RBM26: variants seen among roughly 807,000 people sequenced by gnomAD.
The protein encoded by RBM26 is RNA-binding protein 26.
A neutral mutation model predicts 123.6 loss-of-function variants in RBM26; 30 were observed. That is an observed-to-expected ratio of 0.24 (90% CI 0.18 to 0.33). RBM26 has a LOEUF of 0.33. Ranked by LOEUF, RBM26 falls within the 10% of genes least tolerant of loss-of-function variation. The pLI, the probability that RBM26 is intolerant of heterozygous loss-of-function variation, is 1.00. For synonymous variants in RBM26, 400 were observed against 404.4 expected, an observed-to-expected ratio of 0.99 and a Z score of 0.13; for missense variants, 947 against 1,203.6, an observed-to-expected ratio of 0.79 and a Z score of 3.15.
rs879173036 is a variant in RBM26 at position 79,371,257 on chromosome 13, T to G, written c.417-95A>C. ...AAAAGTTACATTTAATTCTTGTAAC[T>G]TAACTTTCTATCCTACCATCAGACA... On this transcript the variant is annotated intron_variant, in intron 4 of 21. Transcript: ENST00000438737. 6.0e-6 allele frequency: 6 copies of G among 998,640 alleles called. No individual in the cohort carries two copies. The South Asian group carries it at 8.1e-5, about 13-fold the overall frequency. 61.9% of individuals were successfully genotyped at this position (998,640 alleles called of 1,614,324 possible). A position where few individuals can be genotyped will look rare whatever the true frequency, so the allele number is the denominator to read the frequency against.
chr13:79,328,669 G>A, intron 20 of RBM26, among the ~76,000 whole-genome samples: 1 of 82,598 alleles, frequency 1.2e-5, no homozygotes, highest in African/African-American at 5.0e-5. Flanking sequence ...TATACAAAGA[G>A]CCCCTGCATT....
intron 9 of RBM26, among the ~76,000 whole-genome samples, chr13:79,360,108 T>C (rs903254339): frequency 1.8e-4 from 28 of 152,118 alleles, no homozygotes; most frequent in Admixed American, 1.2e-3. Context: ...TTCACATAAC[T>C]TTTATTATAG....
In RBM26 at chr13:79,405,782, G is replaced by A. The variant is rs896927036; in HGVS notation, c.-8C>T. On this transcript the variant is annotated 5_prime_UTR_variant, in exon 1 of 22. Transcript: ENST00000438737. ...GATCATTTTAGAAACCATCCACAGCGGCCCTAAGGCCCGTCACACTCCTCC... is the reference window on the plus strand; with the variant it reads ...GATCATTTTAGAAACCATCCACAGCAGCCCTAAGGCCCGTCACACTCCTCC... The A allele has an allele frequency of 2.6e-6, 4 of 1,547,840 alleles. No individual in the cohort carries two copies. The highest frequency in any genetic ancestry group is 2.6e-6 in the Non-Finnish European group (3 of 1,143,322).
At chr13:79,321,832 C>T (rs2067707277) in intron 21 of RBM26, among the ~76,000 whole-genome samples, 1 of 151,404 alleles carries the variant, frequency 6.6e-6, no homozygotes, top group African/African-American at 2.4e-5. Context: ...ATCAGTCTGC[C>T]TTTTATTGTA....
intron 20 of RBM26, among the ~76,000 whole-genome samples, chr13:79,326,291 T>C (rs2068403317): frequency 6.6e-6 from 1 of 152,236 alleles, no homozygotes; most frequent in East Asian, 1.9e-4. Flanking sequence ...CTTCAAGAGT[T>C]ATGCATGTAC....
chr13:79,356,474 T>C (rs192523290), intron 11 of RBM26, among the ~76,000 whole-genome samples: 74 of 152,172 alleles, frequency 4.9e-4, no homozygotes, highest in Non-Finnish European at 9.0e-4. Context: ...TCAAGTTACT[T>C]AACCTTTCTG....
chr13:79,332,892 C>T lies in RBM26; in HGVS notation c.2820+1452G>A, dbSNP rs184585662. ...GAAGAGGTTTTAATTTTTTCTCAGC[C>T]ATATAAGCAAGCAAGGGAAGTAGTA... is the stretch of plus-strand genomic sequence containing the variant. On this transcript the variant is annotated intron_variant, in intron 20 of 21. Transcript: ENST00000438737. 7.9e-5 allele frequency among the ~76,000 whole-genome samples: 12 copies of T among 152,124 alleles called. No homozygotes were observed. In the East Asian group the frequency reaches 1.4e-3, roughly 17 times the overall value.
At chr13:79,383,425 G>A (rs1056357027) in intron 1 of RBM26, among the ~76,000 whole-genome samples, 1 of 151,838 alleles carries the variant, frequency 6.6e-6, no homozygotes, top group African/African-American at 2.4e-5. Context: ...GTTACTAAGA[G>A]AGAGAATATA....
chr13:79,339,430 C>G (rs528361512), intron 18 of RBM26, among the ~76,000 whole-genome samples: 1 of 151,850 alleles, frequency 6.6e-6, no homozygotes, highest in African/African-American at 2.4e-5. Flanking sequence ...CAATTTTCAT[C>G]AAAAAAATCA....
rs573860581 is a variant in RBM26 at position 79,377,609 on chromosome 13, C to T, written c.191-94G>A. ...CTTATCTCTAATATGATGAAACATA[C>T]CTTGACTTTTATAAACTAGAAAATA... is the stretch of plus-strand genomic sequence containing the variant. On this transcript the variant is annotated intron_variant, in intron 2 of 21. Coordinates refer to ENST00000438737, the MANE Select transcript of RBM26 (RefSeq NM_001366735.2). The T allele has an allele frequency of 2.1e-5, 21 of 997,986 alleles. No homozygotes were observed. The South Asian group carries it at 2.7e-4, about 13-fold the overall frequency. 61.8% of individuals were successfully genotyped at this position (997,986 alleles called of 1,614,324 possible). A position where few individuals can be genotyped will look rare whatever the true frequency, so the allele number is the denominator to read the frequency against.
At chr13:79,316,499 C>CT (rs1331647988), downstream of RBM26, among the ~76,000 whole-genome samples, 2 of 151,786 alleles carry the variant, frequency 1.3e-5, no homozygotes, top group African/African-American at 2.4e-5. Flanking sequence ...TTCAATTAAA[C>CT]TTAGCCACAC....
intron 20 of RBM26, among the ~76,000 whole-genome samples, chr13:79,323,001 A>G (rs1170518152): frequency 6.6e-6 from 1 of 151,552 alleles, no homozygotes; most frequent in Non-Finnish European, 1.5e-5. Flanking sequence ...ACCAACTACC[A>G]TAAAATGTTT....
intron 12 of RBM26, 47 bp downstream of exon 12, chr13:79,355,173 G>T: frequency 6.4e-7 from 1 of 1,567,274 alleles, no homozygotes; most frequent in Non-Finnish European, 8.8e-7. Context: ...GCTATGCTAA[G>T]AGCTTTCTAA....
Position 79,319,541 on chromosome 13 carries a change from G to A in RBM26, c.*1080C>T, listed in dbSNP as rs1269351131. ...ATCAGACTGGAACACTTACCAAACA[G>A]TGTTTTCCTAAAGTAGTATCTATAG... is the stretch of plus-strand genomic sequence containing the variant. On this transcript the variant is annotated 3_prime_UTR_variant, in exon 22 of 22. Coordinates refer to ENST00000438737, the MANE Select transcript of RBM26 (RefSeq NM_001366735.2). The A allele has an allele frequency of 1.0e-6, 1 of 983,450 alleles. No individual in the cohort carries two copies. Among genetic ancestry groups the A allele is most frequent in the Admixed American group, 6.2e-5 (1 of 16,132 alleles). 60.9% of individuals were successfully genotyped at this position (983,450 alleles called of 1,614,324 possible).
intron 1 of RBM26, among the ~76,000 whole-genome samples, chr13:79,399,332 A>G (rs2078867975): frequency 6.6e-6 from 1 of 152,170 alleles, no homozygotes; most frequent in African/African-American, 2.4e-5. Context: ...TCTTCCTAAC[A>G]CCTATCTTGC....
chr13:79,369,676 G>A (rs998638669), intron 5 of RBM26, among the ~76,000 whole-genome samples: 7 of 152,114 alleles, frequency 4.6e-5, no homozygotes, highest in African/African-American at 1.7e-4. Flanking sequence ...GGTGTTTTAC[G>A]ACAACATCTT....
chr13:79,355,172 A>C, intron 12 of RBM26, 48 bp downstream of exon 12: 41 of 1,562,898 alleles, frequency 2.6e-5, no homozygotes, highest in Non-Finnish European at 3.4e-5. Flanking sequence ...CGCTATGCTA[A>C]GAGCTTTCTA....
chr13:79,404,831 G>A (rs542928968), intron 1 of RBM26, among the ~76,000 whole-genome samples: 1 of 152,118 alleles, frequency 6.6e-6, no homozygotes, highest in East Asian at 1.9e-4. Context: ...ATTAATATCT[G>A]GATTTATTTA....
chr13:79,387,292 T>TA (rs5805030), intron 1 of RBM26, among the ~76,000 whole-genome samples: 146,409 of 150,626 alleles, frequency 0.97, 71,280 homozygotes, highest in Non-Finnish European at 1. Context: ...TGAACTATGA[T>TA]AAAAAAAAAT....
Sources: allele counts gnomAD v4.1 joint callset (sites outside exome capture counted in the v4.1 genomes callset), GRCh38; gene constraint gnomAD v4.1.1; transcripts MANE v1.5; gene names NCBI Gene and HGNC (gene_info 2026-07-23, HGNC 2026-07-21).